KANK1: variants seen among roughly 807,000 people sequenced by gnomAD.
KANK1 encodes KN motif and ankyrin repeat domain-containing protein 1.
In KANK1, 109 loss-of-function variants were observed where a neutral mutation model predicts 106.2. The observed-to-expected ratio is 1.03, with a 90% confidence interval of 0.88 to 1.20. The LOEUF is 1.20. Among genes scored for constraint, KANK1 ranks in the 50% most tolerant of loss-of-function variants. KANK1 has a pLI of 0.00. For synonymous variants in KANK1, 873 were observed against 652.2 expected (o/e 1.34, Z -5.16); for missense variants, 2,399 against 1,710.7 (o/e 1.40, Z -7.10).
At position 598,620 on chromosome 9, in the gene KANK1, CTTTTTTTTTTTTTT is replaced by C. The variant is rs3028166; in HGVS notation, c.-83-78253_-83-78240del. Among the ~76,000 whole-genome samples, 54 of 46,684 alleles carry C rather than the reference CTTTTTTTTTTTTTT, an allele frequency of 1.2e-3. 4 individuals carry two copies. The highest frequency in any genetic ancestry group is 3.0e-3 in the African/African-American group (45 of 14,814). The allele number at this position is 46,684 out of a possible 152,430, so 30.6% of individuals were successfully genotyped here. A position where few individuals can be genotyped will look rare whatever the true frequency, so the allele number is the denominator to read the frequency against. On this transcript the variant is annotated intron_variant, in intron 1 of 11. Coordinates refer to ENST00000382297, the MANE Select transcript of KANK1 (RefSeq NM_015158.5). ...TTTTTTGTTTTGTTTTGTTGGTTTT[CTTTTTTTTTTTTTT>C]TTTTTTTTTTTTTTTTGAGACAGTC...
intron 1 of KANK1, among the ~76,000 whole-genome samples, chr9:516,353 T>C (rs886178056): frequency 3.3e-5 from 5 of 151,766 alleles, no homozygotes; most frequent in Non-Finnish European, 7.3e-5. Flanking sequence ...AGAGACATGA[T>C]TGAAGATTGC....
intron 1 of KANK1, among the ~76,000 whole-genome samples, chr9:649,531 G>A (rs1339655621): frequency 6.6e-6 from 1 of 152,206 alleles, no homozygotes; most frequent in African/African-American, 2.4e-5. Context: ...GCTTACAGAT[G>A]TAAGTAAGTA....
rs144303532 is a variant in KANK1 at position 742,334 on chromosome 9, G to T, written c.3826G>T (p.Glu1276Ter). The T allele has an allele frequency of 6.2e-7, 1 of 1,614,078 alleles. No individual in the cohort carries two copies. Among genetic ancestry groups the T allele is most frequent in the Non-Finnish European group, 8.5e-7 (1 of 1,180,004 alleles). ...CTCCACGGCCCTCATGTGTGCCAGC[G>T]AGCACGGACACGTGGAGATTGTCAA... is the stretch of plus-strand genomic sequence containing the variant. ...EGSTALMCAS[E>*]HGHVEIVKLL... Residue 1276 changes from glutamate to a stop codon, truncating the protein, a stop_gained, in exon 10 of 12, where the codon GAG becomes TAG. Transcript: ENST00000382297. LOFTEE classifies it high-confidence loss of function.
At chr9:503,188 C>T (rs1304208051), upstream of KANK1, among the ~76,000 whole-genome samples, 2 of 151,952 alleles carry the variant, frequency 1.3e-5, no homozygotes, top group Non-Finnish European at 2.9e-5. Flanking sequence ...ATATCTCATC[C>T]CTTATCACCA....
intron 2 of KANK1, among the ~76,000 whole-genome samples, chr9:693,990 C>T (rs780655726): frequency 2.0e-5 from 3 of 152,052 alleles, no homozygotes; most frequent in African/African-American, 4.8e-5. Context: ...GTCATTGTTG[C>T]AGGAGTGAAT....
intron 1 of KANK1, among the ~76,000 whole-genome samples, chr9:638,710 C>G (rs1217943519): frequency 6.6e-6 from 1 of 152,172 alleles, no homozygotes; most frequent in Admixed American, 6.5e-5. Context: ...GTTAAATTTG[C>G]GATCTGCCCT....
intron 1 of KANK1, among the ~76,000 whole-genome samples, chr9:571,127 C>G (rs1819043067): frequency 6.6e-6 from 1 of 152,184 alleles, no homozygotes; most frequent in South Asian, 2.1e-4. Context: ...CCTTGGGGAC[C>G]TAGCCCCTTG....
At chr9:534,546 A>C (rs147918566) in intron 1 of KANK1, among the ~76,000 whole-genome samples, 290 of 152,328 alleles carry the variant, frequency 1.9e-3, no homozygotes, top group African/African-American at 6.4e-3. Context: ...GCAGAGAATT[A>C]TTTAATCATT....
intron 1 of KANK1, among the ~76,000 whole-genome samples, chr9:604,889 A>G (rs375850391): frequency 2.6e-5 from 4 of 151,906 alleles, no homozygotes; most frequent in East Asian, 1.9e-4. Context: ...CTGTGAGTCA[A>G]TTAAACCTTT....
At chr9:682,999 G>A (rs1032522793) in intron 2 of KANK1, among the ~76,000 whole-genome samples, 1 of 152,132 alleles carries the variant, frequency 6.6e-6, no homozygotes, top group Middle Eastern at 3.2e-3. Context: ...CAGGAATTAC[G>A]TGCTATTTGT....
At chr9:681,384 G>A (rs1041483420) in intron 2 of KANK1, among the ~76,000 whole-genome samples, 5 of 152,164 alleles carry the variant, frequency 3.3e-5, no homozygotes, top group Admixed American at 2.0e-4. Flanking sequence ...TTTCTTTGGG[G>A]TGTAGGGATG....
At chr9:586,866 C>G (rs1484689358) in intron 1 of KANK1, among the ~76,000 whole-genome samples, 1 of 152,142 alleles carries the variant, frequency 6.6e-6, no homozygotes, top group Non-Finnish European at 1.5e-5. Flanking sequence ...TGCCCCTGCA[C>G]CCCCAGCAGG....
At chr9:594,958 A>G (rs1192590692) in intron 1 of KANK1, among the ~76,000 whole-genome samples, 1 of 151,776 alleles carries the variant, frequency 6.6e-6, no homozygotes, top group Non-Finnish European at 1.5e-5. Flanking sequence ...ATACTTTGTC[A>G]TCTTTTCTTA....
intron 1 of KANK1, among the ~76,000 whole-genome samples, chr9:517,931 T>G (rs1052405151): frequency 4.6e-5 from 7 of 151,094 alleles, no homozygotes; most frequent in Non-Finnish European, 1.0e-4. Flanking sequence ...AGAGATGGAG[T>G]TTCACATTAT....
chr9:571,020 ACTACT>A (rs1376729335), intron 1 of KANK1, among the ~76,000 whole-genome samples: 5 of 152,274 alleles, frequency 3.3e-5, no homozygotes, highest in Middle Eastern at 3.4e-3. Flanking sequence ...TTTTTAAAAA[ACTACT>A]CTAAAGATCC....
Position 742,339 on chromosome 9 carries a change from C to A in KANK1, c.3831C>A (p.His1277Gln), listed in dbSNP as rs766451306. The A allele has an allele frequency of 1.2e-6, 2 of 1,614,132 alleles. No homozygotes were observed. Among genetic ancestry groups the A allele is most frequent in the Non-Finnish European group, 1.7e-6 (2 of 1,180,014 alleles). ...CGGCCCTCATGTGTGCCAGCGAGCACGGACACGTGGAGATTGTCAAGCTGC... is the reference window on the plus strand; with the variant it reads ...CGGCCCTCATGTGTGCCAGCGAGCAAGGACACGTGGAGATTGTCAAGCTGC... ...GSTALMCASE[H>Q]GHVEIVKLLL... Residue 1277 changes from histidine to glutamine, a missense_variant, in exon 10 of 12, where the codon CAC becomes CAA. His to Gln is a conservative substitution (Grantham distance 24). Coordinates refer to ENST00000382297, the MANE Select transcript of KANK1 (RefSeq NM_015158.5).
At chr9:662,837 T>C (rs1012950235) in intron 1 of KANK1, among the ~76,000 whole-genome samples, 1 of 152,060 alleles carries the variant, frequency 6.6e-6, no homozygotes, top group African/African-American at 2.4e-5. Flanking sequence ...AATTTTTGTA[T>C]TTTTAGTAGA....
upstream of KANK1, among the ~76,000 whole-genome samples, chr9:501,072 G>GA (rs1353953210): frequency 3.3e-5 from 5 of 149,310 alleles, no homozygotes; most frequent in African/African-American, 1.2e-4. Flanking sequence ...TAAAAGTTGA[G>GA]AAAAAAGAAA....
Position 742,310 on chromosome 9 carries a change from T to A in KANK1, c.3802T>A (p.Ser1268Thr), listed in dbSNP as rs1440490394. 6.2e-7 allele frequency: 1 copy of A among 1,613,742 alleles called. No homozygotes were observed. Among genetic ancestry groups the A allele is most frequent in the African/African-American group, 1.3e-5 (1 of 74,918 alleles). The change falls in exon 10 of 12, where the codon TCC becomes ACC. Residue 1268 changes from serine to threonine, a missense_variant. Transcript: ENST00000382297. ...TGTCAACATCCAGGATGACGAGGGC[T>A]CCACGGCCCTCATGTGTGCCAGCGA... Reference protein sequence around the residue: ...ADVNIQDDEGSTALMCASEHG... With the variant: ...ADVNIQDDEGTTALMCASEHG...
Sources: allele counts gnomAD v4.1 joint callset (sites outside exome capture counted in the v4.1 genomes callset), GRCh38; gene constraint gnomAD v4.1.1; transcripts MANE v1.5; gene names NCBI Gene and HGNC (gene_info 2026-07-23, HGNC 2026-07-21).